The following PTN variants were observed in gnomAD, a reference collection of about 807,000 sequenced individuals.
The protein encoded by PTN is heparin affin regulatory protein.
A neutral mutation model predicts 24.1 loss-of-function variants in PTN; 18 were observed. The ratio of observed to expected loss-of-function variants is 0.75; its 90% CI spans 0.52 to 1.11. The LOEUF (loss-of-function observed/expected upper bound fraction) is 1.11, where lower values mean the gene tolerates loss of function less well. Among genes scored for constraint, PTN ranks in the 50% least tolerant of loss-of-function variants. PTN has a pLI of 0.00. For missense variants in PTN, 163 were observed against 198.8 expected (o/e 0.82, Z 1.08); for synonymous variants, 78 against 68.6 (o/e 1.14, Z -0.67).
chr7:137,335,133 T>TC (rs1810425417), intron 1 of PTN, among the ~76,000 whole-genome samples: 1 of 57,192 alleles, frequency 1.7e-5, no homozygotes, highest in Non-Finnish European at 4.5e-5. Context: ...GCATGGCACA[T>TC]GTATACATAT....
chr7:137,316,390 C>T (rs377365133), intron 1 of PTN, among the ~76,000 whole-genome samples: 1 of 152,036 alleles, frequency 6.6e-6, no homozygotes, highest in Non-Finnish European at 1.5e-5. Context: ...TTGAGGGCAT[C>T]GTCCATATTC....
chr7:137,338,941 T>C (rs984817378), intron 1 of PTN, among the ~76,000 whole-genome samples: 2 of 151,908 alleles, frequency 1.3e-5, no homozygotes, highest in African/African-American at 4.8e-5. Flanking sequence ...AAAGAAGAGT[T>C]GTGACAATAC....
At chr7:137,262,614 G>A (rs1005027560) in intron 1 of PTN, among the ~76,000 whole-genome samples, 6 of 151,904 alleles carry the variant, frequency 3.9e-5, no homozygotes, top group South Asian at 2.1e-4. Flanking sequence ...CTTAAAATCC[G>A]AGCTCCTCAG....
At chr7:137,286,142 G>C (rs1457253055) in intron 1 of PTN, among the ~76,000 whole-genome samples, 1 of 152,114 alleles carries the variant, frequency 6.6e-6, no homozygotes, top group East Asian at 1.9e-4. Context: ...CAATAACTCA[G>C]TTTACCCTAA....
intron 1 of PTN, among the ~76,000 whole-genome samples, chr7:137,284,705 C>T (rs532044382): frequency 4.1e-4 from 63 of 152,282 alleles, no homozygotes; most frequent in African/African-American, 1.4e-3. Flanking sequence ...TAGATGACTA[C>T]ATTCTGGAGA....
chr7:137,341,974 T>C (rs1003249450), intron 1 of PTN, among the ~76,000 whole-genome samples: 11 of 152,292 alleles, frequency 7.2e-5, no homozygotes, highest in African/African-American at 2.4e-4. Flanking sequence ...TCTAATTTCC[T>C]CTGAATTTAA....
chr7:137,255,246 A>G (rs893947375), intron 1 of PTN, among the ~76,000 whole-genome samples: 47 of 152,258 alleles, frequency 3.1e-4, no homozygotes, highest in African/African-American at 1.1e-3. Context: ...TGACTCAGAA[A>G]TTATGGAAGC....
rs547484036 is a variant in PTN at position 137,241,942 on chromosome 7, C to T, written c.451+9288G>A. On this transcript the variant is annotated intron_variant, in intron 4 of 4. Coordinates refer to ENST00000348225, the MANE Select transcript of PTN (RefSeq NM_002825.7). ...CCAGCCTGTGGTGGGATTCTGCCCC[C>T]TCACCTCTCTCAACACAGTTAAAAG... Among the ~76,000 whole-genome samples the T allele has an allele frequency of 3.9e-5, 6 of 152,216 alleles. No homozygotes were observed. The South Asian group carries it at 8.3e-4, about 21-fold the overall frequency.
At chr7:137,278,137 C>T (rs1371247588) in intron 1 of PTN, among the ~76,000 whole-genome samples, 2 of 150,794 alleles carry the variant, frequency 1.3e-5, no homozygotes, top group Non-Finnish European at 3.0e-5. Flanking sequence ...GAAACCCCGT[C>T]TCTACTAAAA....
chr7:137,302,225 G>A (rs1261141516), intron 1 of PTN, among the ~76,000 whole-genome samples: 1 of 151,896 alleles, frequency 6.6e-6, no homozygotes, highest in African/African-American at 2.4e-5. Flanking sequence ...TCTTCCAGAC[G>A]TGAAACCTAA....
chr7:137,324,417 T>TAAAAAAAAAAAAA lies in PTN; in HGVS notation c.-2+19009_-2+19021dup, dbSNP rs1366943397. Among the ~76,000 whole-genome samples, 9 of 63,468 alleles carry TAAAAAAAAAAAAA rather than the reference T, an allele frequency of 1.4e-4. 1 individual carries two copies. Among genetic ancestry groups the TAAAAAAAAAAAAA allele is most frequent in the African/African-American group, 6.0e-4 (7 of 11,732 alleles). 41.6% of individuals were successfully genotyped at this position (63,468 alleles called of 152,430 possible). On this transcript the variant is annotated intron_variant, in intron 1 of 4. Coordinates refer to ENST00000348225, the MANE Select transcript of PTN (RefSeq NM_002825.7). ...GGGCAGCACAGCGAGACCCTGTCTC[T>TAAAAAAAAAAAAA]AAAAAAAAAAAAAAAAATATATATA...
chr7:137,236,104 A>G (rs534605824), intron 4 of PTN: 8 of 695,278 alleles, frequency 1.2e-5, no homozygotes, highest in African/African-American at 8.8e-5. Context: ...AAAATTAATA[A>G]AAGTCCCCAA....
intron 4 of PTN, among the ~76,000 whole-genome samples, chr7:137,230,436 C>T (rs962918971): frequency 5.3e-5 from 8 of 151,720 alleles, no homozygotes; most frequent in Middle Eastern, 3.4e-3. Flanking sequence ...TGGTACTGTC[C>T]GGACACCCTG....
intron 4 of PTN, among the ~76,000 whole-genome samples, chr7:137,246,597 A>C (rs1354507483): frequency 6.6e-6 from 1 of 152,186 alleles, no homozygotes; most frequent in African/African-American, 2.4e-5. Flanking sequence ...TCAAAAGAGA[A>C]CAAAACCTGG....
chr7:137,335,715 G>A (rs1332022102), intron 1 of PTN, among the ~76,000 whole-genome samples: 2 of 152,090 alleles, frequency 1.3e-5, no homozygotes, highest in South Asian at 2.1e-4. Flanking sequence ...CTGGGTGACT[G>A]GTATGAACAT....
At chr7:137,327,345 C>T (rs73452994) in intron 1 of PTN, among the ~76,000 whole-genome samples, 296 of 152,238 alleles carry the variant, frequency 1.9e-3, no homozygotes, top group African/African-American at 7.0e-3. Context: ...TCACTCCTAA[C>T]ATTTTTTTTC....
chr7:137,314,686 C>A (rs1042773149), intron 1 of PTN, among the ~76,000 whole-genome samples: 1 of 149,776 alleles, frequency 6.7e-6, no homozygotes, highest in Non-Finnish European at 1.5e-5. Flanking sequence ...CCTCCGACTC[C>A]CAGGTTCAAA....
chr7:137,278,306 C>CAAAAAAAAAAAA (rs71176391), intron 1 of PTN, among the ~76,000 whole-genome samples: 22 of 62,848 alleles, frequency 3.5e-4, no homozygotes, highest in South Asian at 8.6e-4. Context: ...GACTCCGTCT[C>CAAAAAAAAAAAA]AAAAAAAAAA....
intron 1 of PTN, among the ~76,000 whole-genome samples, chr7:137,267,239 T>A (rs942106946): frequency 1.3e-5 from 2 of 152,006 alleles, no homozygotes; most frequent in African/African-American, 4.8e-5. Flanking sequence ...TCTTTCTCTG[T>A]CTCTCTCTCT....
Sources: gnomAD v4.1 joint callset for allele counts (sites outside exome capture counted in the v4.1 genomes callset) on GRCh38, gnomAD v4.1.1 for gene constraint, MANE v1.5 for transcripts, NCBI Gene and HGNC (gene_info 2026-07-23, HGNC 2026-07-21) for gene names.